Variants in RASAL2 observed in about 807,000 individuals in gnomAD.
RASAL2 encodes the protein RAS protein activator like 2, also known as ras GTPase-activating protein nGAP.
A neutral mutation model predicts 128.9 loss-of-function variants in RASAL2; 58 were observed. The ratio of observed to expected loss-of-function variants is 0.45; its 90% CI spans 0.36 to 0.56. RASAL2 has a LOEUF of 0.56. Among genes scored for constraint, RASAL2 ranks in the 20% least tolerant of loss-of-function variants. The pLI is 0.00. For missense variants in RASAL2, 1,360 were observed against 1,601.6 expected, an observed-to-expected ratio of 0.85 and a Z score of 2.57; for synonymous variants, 561 against 580.8, an observed-to-expected ratio of 0.97 and a Z score of 0.49.
chr1:178,268,319 T>G lies in RASAL2; in HGVS notation c.203-15245T>G, dbSNP rs1557866745. The stretch of plus-strand genomic sequence containing the variant: ...CCCATCTCTACTAAAAATACAAAAA[T>G]TAGTTGGGCATGGTGGTGAGCACCT... On this transcript the variant is annotated intron_variant, in intron 1 of 17. Coordinates refer to ENST00000367649, the MANE Select transcript of RASAL2 (RefSeq NM_170692.4). Among the ~76,000 whole-genome samples the G allele has an allele frequency of 2.0e-5, 3 of 151,998 alleles. No homozygotes were observed. In the East Asian group the frequency reaches 5.8e-4, roughly 29 times the overall value.
At chr1:178,154,863 G>C (rs141532619) in intron 1 of RASAL2, among the ~76,000 whole-genome samples, 8,570 of 152,114 alleles carry the variant, frequency 0.056, 285 homozygotes, top group South Asian at 0.078. Context: ...CACTCTTGTT[G>C]CCCAGGCTGG....
chr1:178,269,790 A>G (rs538131367), intron 1 of RASAL2, among the ~76,000 whole-genome samples: 172 of 152,328 alleles, frequency 1.1e-3, no homozygotes, highest in African/African-American at 3.4e-3. Flanking sequence ...TGCTCTGTCT[A>G]TGGAGTAGCC....
At chr1:178,386,167 T>C (rs1229438858) in intron 3 of RASAL2, among the ~76,000 whole-genome samples, 1 of 152,208 alleles carries the variant, frequency 6.6e-6, no homozygotes, top group Non-Finnish European at 1.5e-5. Flanking sequence ...GCCCCTATAA[T>C]TATCCAATTT....
intron 1 of RASAL2, among the ~76,000 whole-genome samples, chr1:178,236,756 CTTTTTTTTTTT>C (rs549848632): frequency 7.6e-5 from 9 of 118,436 alleles, no homozygotes; most frequent in East Asian, 4.9e-4. Flanking sequence ...TTGGACACTA[CTTTTTTTTTTT>C]TTTTTTTTTT....
chr1:178,454,309 A>G (rs903389595), intron 11 of RASAL2, 138 bp from the exon 12 acceptor site: 1 of 625,242 alleles, frequency 1.6e-6, no homozygotes. Context: ...TATAACATTT[A>G]TCACTTATAG....
chr1:178,139,004 A>G (rs1660436722), intron 1 of RASAL2, among the ~76,000 whole-genome samples: 1 of 152,102 alleles, frequency 6.6e-6, no homozygotes, highest in Non-Finnish European at 1.5e-5. Context: ...TGAAAAAGAA[A>G]GGTAAATTCC....
chr1:178,468,379 C>G (rs1443561224), intron 17 of RASAL2, among the ~76,000 whole-genome samples: 1 of 152,206 alleles, frequency 6.6e-6, no homozygotes, highest in Non-Finnish European at 1.5e-5. Flanking sequence ...TAGATAGCCT[C>G]CTCCCTTCTC....
At chr1:178,287,625 A>G (rs977318425) in intron 2 of RASAL2, among the ~76,000 whole-genome samples, 1 of 152,160 alleles carries the variant, frequency 6.6e-6, no homozygotes, top group Non-Finnish European at 1.5e-5. Flanking sequence ...GATAAAGAAA[A>G]TATGGTGTAT....
Position 178,250,649 on chromosome 1 carries a change from T to C in RASAL2, c.203-32915T>C, listed in dbSNP as rs557796138. Among the ~76,000 whole-genome samples the C allele has an allele frequency of 2.6e-5, 4 of 152,308 alleles. No homozygotes were observed. The East Asian group carries it at 7.7e-4, about 29-fold the overall frequency. On this transcript the variant is annotated intron_variant, in intron 1 of 17. Transcript: ENST00000367649. ...ATGCAGAAATCACCCGCCTTCTGCG[T>C]TGGTCTCGCTGGGAGCTGCATACCA...
chr1:178,115,737 C>G (rs1423959118), intron 1 of RASAL2, among the ~76,000 whole-genome samples: 3 of 152,158 alleles, frequency 2.0e-5, no homozygotes, highest in African/African-American at 7.2e-5. Context: ...AAAATAGATT[C>G]CTGTGGAGCA....
At chr1:178,167,824 A>T (rs1661569311) in intron 1 of RASAL2, among the ~76,000 whole-genome samples, 2 of 152,062 alleles carry the variant, frequency 1.3e-5, no homozygotes, top group South Asian at 4.1e-4. Context: ...CATTTATTGA[A>T]AGAAACTCAC....
At chr1:178,110,516 A>AGT (rs1200349051) in intron 1 of RASAL2, among the ~76,000 whole-genome samples, 1 of 145,728 alleles carries the variant, frequency 6.9e-6, no homozygotes, top group African/African-American at 2.5e-5. Flanking sequence ...TAGCATATAT[A>AGT]GTGTATATAT....
intron 17 of RASAL2, 46 bp downstream of exon 17, chr1:178,467,467 G>A (rs756473178): frequency 1.3e-6 from 2 of 1,530,778 alleles, no homozygotes. Context: ...TTATAGTAAC[G>A]ATTATTTCCT....
chr1:178,290,706 T>C (rs1365734563), intron 2 of RASAL2, among the ~76,000 whole-genome samples: 6 of 152,188 alleles, frequency 3.9e-5, no homozygotes, highest in Non-Finnish European at 7.3e-5. Context: ...GATGGAGTCT[T>C]GCTATGTCAC....
chr1:178,355,543 A>G (rs1305693336), intron 3 of RASAL2, among the ~76,000 whole-genome samples: 1 of 152,178 alleles, frequency 6.6e-6, no homozygotes, highest in Non-Finnish European at 1.5e-5. Flanking sequence ...CTTTTAGAAT[A>G]TATTATAGCA....
chr1:178,123,729 G>C (rs918416319), intron 1 of RASAL2: 1 of 152,278 alleles, frequency 6.6e-6, no homozygotes, highest in Non-Finnish European at 1.5e-5. Flanking sequence ...GCGGAATGCA[G>C]TGGTACAGCC....
At chr1:178,350,118 A>G (rs565193077) in intron 3 of RASAL2, among the ~76,000 whole-genome samples, 45 of 152,334 alleles carry the variant, frequency 3.0e-4, no homozygotes, top group African/African-American at 1.1e-3. Flanking sequence ...CTCAAACTTG[A>G]TGTTTTAATG....
chr1:178,232,085 T>G (rs1664033084), intron 1 of RASAL2, among the ~76,000 whole-genome samples: 1 of 152,188 alleles, frequency 6.6e-6, no homozygotes, highest in Non-Finnish European at 1.5e-5. Flanking sequence ...GATAGTTTTT[T>G]TAGTTTGCCA....
At chr1:178,374,849 T>C (rs1671903342) in intron 3 of RASAL2, among the ~76,000 whole-genome samples, 1 of 152,140 alleles carries the variant, frequency 6.6e-6, no homozygotes, top group South Asian at 2.1e-4. Flanking sequence ...AACTCTGCCC[T>C]TGTTTCAAAA....
Sources: gnomAD v4.1 joint callset for allele counts (sites outside exome capture counted in the v4.1 genomes callset) on GRCh38, gnomAD v4.1.1 for gene constraint, MANE v1.5 for transcripts, NCBI Gene and HGNC (gene_info 2026-07-23, HGNC 2026-07-21) for gene names.